TMPRSS15: variants seen among roughly 807,000 people sequenced by gnomAD.
TMPRSS15 encodes transmembrane serine protease 15, also known as enteropeptidase.
TMPRSS15 carries 128 observed loss-of-function variants against 125.3 expected under a neutral mutation model. The ratio of observed to expected loss-of-function variants is 1.02; its 90% CI spans 0.89 to 1.18. The LOEUF (loss-of-function observed/expected upper bound fraction) is 1.18. TMPRSS15 is among the 50% of genes most tolerant of loss of function. The pLI, the probability that TMPRSS15 is intolerant of heterozygous loss-of-function variation, is 0.00. For missense variants in TMPRSS15, 1,283 were observed against 1,212.7 expected, an observed-to-expected ratio of 1.06 and a Z score of -0.86; for synonymous variants, 446 against 423.2, an observed-to-expected ratio of 1.05 and a Z score of -0.66.
chr21:18,299,737 AGT>A (rs2074945158), intron 18 of TMPRSS15, among the ~76,000 whole-genome samples: 1 of 152,136 alleles, frequency 6.6e-6, no homozygotes, highest in East Asian at 1.9e-4. Flanking sequence ...ACATTCTCAA[AGT>A]GATGCTCTTT....
At chr21:18,305,333 C>T (rs1349200422) in intron 18 of TMPRSS15, among the ~76,000 whole-genome samples, 14 of 151,730 alleles carry the variant, frequency 9.2e-5, no homozygotes, top group South Asian at 2.1e-4. Context: ...GGACTACAGG[C>T]GCCCGCCACC....
chr21:18,286,309 T>TACCTA (rs2074763311), intron 21 of TMPRSS15, among the ~76,000 whole-genome samples: 1 of 152,200 alleles, frequency 6.6e-6, no homozygotes, highest in African/African-American at 2.4e-5. Flanking sequence ...CTTAACCAAG[T>TACCTA]CATTATTTTA....
At chr21:18,330,643 T>C (rs2075335117) in intron 14 of TMPRSS15, among the ~76,000 whole-genome samples, 1 of 152,174 alleles carries the variant, frequency 6.6e-6, no homozygotes, top group African/African-American at 2.4e-5. Context: ...TACTTCAGAT[T>C]AAGGAAATAA....
At chr21:18,284,961 A>G (rs1352980737) in intron 21 of TMPRSS15, among the ~76,000 whole-genome samples, 1 of 151,658 alleles carries the variant, frequency 6.6e-6, no homozygotes, top group African/African-American at 2.4e-5. Context: ...AATTTGTGCC[A>G]TTGCACTCCA....
At chr21:18,388,239 T>C (rs1356045715) in intron 3 of TMPRSS15, among the ~76,000 whole-genome samples, 1 of 152,172 alleles carries the variant, frequency 6.6e-6, no homozygotes, top group African/African-American at 2.4e-5. Context: ...TGACAGTCAT[T>C]ATAAAATATT....
intron 1 of TMPRSS15, among the ~76,000 whole-genome samples, chr21:18,482,961 G>A (rs571400013): frequency 6.6e-6 from 1 of 151,668 alleles, no homozygotes; most frequent in African/African-American, 2.4e-5. Flanking sequence ...TTGTCTCTTT[G>A]CTTCCATTCT....
chr21:18,473,820 T>A (rs1464516414), intron 1 of TMPRSS15, among the ~76,000 whole-genome samples: 2 of 152,128 alleles, frequency 1.3e-5, no homozygotes, highest in African/African-American at 4.8e-5. Context: ...TTTTTAAAAA[T>A]ACATTCTTAT....
intron 6 of TMPRSS15, among the ~76,000 whole-genome samples, chr21:18,366,024 T>C (rs1356276041): frequency 1.3e-5 from 2 of 152,114 alleles, no homozygotes; most frequent in South Asian, 2.1e-4. Flanking sequence ...CGTGAGCCAC[T>C]GCGCCATGCC....
chr21:18,422,685 AT>A, intron 1 of TMPRSS15, among the ~76,000 whole-genome samples: 1 of 152,372 alleles, frequency 6.6e-6, no homozygotes. Flanking sequence ...AGCCTACGGT[AT>A]CAAAGCCGAT....
intron 18 of TMPRSS15, among the ~76,000 whole-genome samples, chr21:18,301,118 C>G (rs531668649): frequency 4.6e-5 from 7 of 152,240 alleles, no homozygotes; most frequent in Middle Eastern, 3.4e-3. Context: ...AAAATTATCA[C>G]ATAATTACAT....
chr21:18,412,187 CT>C (rs1270021796), intron 1 of TMPRSS15, among the ~76,000 whole-genome samples: 1 of 152,282 alleles, frequency 6.6e-6, no homozygotes, highest in African/African-American at 2.4e-5. Context: ...TACTTTTTAA[CT>C]TTAATAATCC....
intron 1 of TMPRSS15, among the ~76,000 whole-genome samples, chr21:18,432,459 A>C (rs1168868807): frequency 6.6e-6 from 1 of 152,216 alleles, no homozygotes; most frequent in Non-Finnish European, 1.5e-5. Context: ...AAACAGGGTC[A>C]TTGCAGATGT....
At chr21:18,278,697 G>A (rs1028806761) in intron 23 of TMPRSS15, among the ~76,000 whole-genome samples, 1 of 152,100 alleles carries the variant, frequency 6.6e-6, no homozygotes, top group African/African-American at 2.4e-5. Flanking sequence ...ACTCCAGCCC[G>A]GGCCACATTG....
At chr21:18,353,571 T>G (rs1285967139) in intron 9 of TMPRSS15, 152 bp downstream of exon 9, 10 of 673,146 alleles carry the variant, frequency 1.5e-5, no homozygotes, top group Non-Finnish European at 2.4e-5. Flanking sequence ...AATTTCTCAT[T>G]TCTTTTTAAG....
intron 18 of TMPRSS15, among the ~76,000 whole-genome samples, chr21:18,304,904 C>T (rs1445829359): frequency 6.6e-6 from 1 of 152,028 alleles, no homozygotes; most frequent in Non-Finnish European, 1.5e-5. Context: ...TTCCTGGCAA[C>T]AAAGTCTCAC....
chr21:18,445,683 T>A (rs1054652975), intron 1 of TMPRSS15, among the ~76,000 whole-genome samples: 3 of 152,108 alleles, frequency 2.0e-5, no homozygotes, highest in African/African-American at 4.8e-5. Context: ...ATTAGATACA[T>A]CACATTAACA....
At position 18,321,349 on chromosome 21, in the gene TMPRSS15, C is replaced by CTTTTT. The variant is rs751011766; in HGVS notation, c.1921+5078_1921+5082dup. ...TGAAGCAAAAACGATTTTTTTCCTT[C>CTTTTT]TTTTTTTTTTTTTTTTTTTTTGAGA... is the stretch of plus-strand genomic sequence containing the variant. On this transcript the variant is annotated intron_variant, in intron 16 of 24. Transcript: ENST00000284885. 7.6e-3 allele frequency among the ~76,000 whole-genome samples: 767 copies of CTTTTT among 100,552 alleles called. 27 individuals carry two copies. The highest frequency in any genetic ancestry group is 0.014 in the African/African-American group (347 of 24,660). The allele number at this position is 100,552 out of a possible 152,430, so 66.0% of individuals were successfully genotyped here.
intron 20 of TMPRSS15, 65 bp downstream of exon 20, chr21:18,294,538 A>T: frequency 6.3e-7 from 1 of 1,597,276 alleles, no homozygotes; most frequent in African/African-American, 1.3e-5. Context: ...TTCAGGTGAC[A>T]TAAAACTCTA....
intron 21 of TMPRSS15, among the ~76,000 whole-genome samples, chr21:18,291,445 T>C (rs1009328266): frequency 6.6e-6 from 1 of 152,236 alleles, no homozygotes. Flanking sequence ...GTGTTGATGA[T>C]AAGATTAAAC....
Sources: allele counts gnomAD v4.1 joint callset (sites outside exome capture counted in the v4.1 genomes callset), GRCh38; gene constraint gnomAD v4.1.1; transcripts MANE v1.5; gene names NCBI Gene and HGNC (gene_info 2026-07-23, HGNC 2026-07-21).